CDC14B: variants seen among roughly 807,000 people sequenced by gnomAD.
CDC14B encodes the protein cell division cycle 14B.
A neutral mutation model predicts 64.2 loss-of-function variants in CDC14B; 22 were observed. That is an observed-to-expected ratio of 0.34 (90% CI 0.24 to 0.49). The LOEUF (loss-of-function observed/expected upper bound fraction) is 0.49, where lower values mean the gene tolerates loss of function less well. Ranked by LOEUF, CDC14B falls within the 20% of genes least tolerant of loss-of-function variation. The pLI, the probability that CDC14B is intolerant of heterozygous loss-of-function variation, is 0.99. For missense variants in CDC14B, 498 were observed against 629.9 expected, an observed-to-expected ratio of 0.79 and a Z score of 2.24; for synonymous variants, 191 against 215.8, an observed-to-expected ratio of 0.89 and a Z score of 1.01.
At chr9:96,607,644 CG>C (rs1847056388) in intron 1 of CDC14B, among the ~76,000 whole-genome samples, 1 of 151,956 alleles carries the variant, frequency 6.6e-6, no homozygotes, top group African/African-American at 2.4e-5. Context: ...AGGATGGTCT[CG>C]ATCTCCTGAC....
intron 12 of CDC14B, among the ~76,000 whole-genome samples, chr9:96,516,305 C>T (rs1835648586): frequency 6.6e-6 from 1 of 152,116 alleles, no homozygotes; most frequent in South Asian, 2.1e-4. Flanking sequence ...ATCCAGGAAG[C>T]TAAGGGAATG....
chr9:96,493,084 G>A (rs1401453040), exon 14 of CDC14B: 2 of 152,300 alleles, frequency 1.3e-5, no homozygotes, highest in African/African-American at 2.4e-5. Flanking sequence ...GGAGCTTCAC[G>A]GGAAGGAGAC....
At chr9:96,525,943 T>TC (rs944866272) in intron 9 of CDC14B, among the ~76,000 whole-genome samples, 1 of 151,966 alleles carries the variant, frequency 6.6e-6, no homozygotes, top group African/African-American at 2.4e-5. Flanking sequence ...CTGAATTGTG[T>TC]CCCCCCTAAC....
At chr9:96,571,959 AT>A (rs1161483620) in intron 1 of CDC14B, among the ~76,000 whole-genome samples, 1 of 152,056 alleles carries the variant, frequency 6.6e-6, no homozygotes, top group Admixed American at 6.5e-5. Flanking sequence ...GTCCAATCAT[AT>A]TTCAACACAC....
chr9:96,561,624 G>A (rs964477443), intron 4 of CDC14B, among the ~76,000 whole-genome samples: 96 of 150,362 alleles, frequency 6.4e-4, no homozygotes, highest in African/African-American at 1.9e-3. Flanking sequence ...GACTACAGGC[G>A]CCCGCCACCA....
intron 1 of CDC14B, among the ~76,000 whole-genome samples, chr9:96,599,566 A>T (rs1326410634): frequency 6.6e-6 from 1 of 152,202 alleles, no homozygotes; most frequent in East Asian, 1.9e-4. Context: ...TATCCTGAAC[A>T]GAACAAAGAT....
At chr9:96,615,318 T>A (rs1359769902) in intron 1 of CDC14B, among the ~76,000 whole-genome samples, 1 of 152,142 alleles carries the variant, frequency 6.6e-6, no homozygotes, top group East Asian at 1.9e-4. Context: ...TAAGAGTAAA[T>A]GCCCAGTATA....
chr9:96,543,720 T>C (rs74715774), intron 5 of CDC14B, among the ~76,000 whole-genome samples: 5,920 of 152,278 alleles, frequency 0.039, 141 homozygotes, highest in Middle Eastern at 0.071. Flanking sequence ...TTAGGCAACA[T>C]AAAAATTAAT....
intron 1 of CDC14B, among the ~76,000 whole-genome samples, chr9:96,570,628 C>T (rs1178930261): frequency 6.6e-6 from 1 of 152,182 alleles, no homozygotes; most frequent in African/African-American, 2.4e-5. Flanking sequence ...TAGGAAAGAA[C>T]ACGGGGAGCA....
At chr9:96,576,261 C>A (rs1844797328) in intron 1 of CDC14B, among the ~76,000 whole-genome samples, 1 of 151,734 alleles carries the variant, frequency 6.6e-6, no homozygotes, top group Admixed American at 6.6e-5. Flanking sequence ...GCCTGTGCAA[C>A]AGAGCAAAAA....
At chr9:96,509,956 C>G (rs1259528258) in intron 12 of CDC14B, among the ~76,000 whole-genome samples, 167 bp from the exon 13 acceptor site, 2 of 152,194 alleles carry the variant, frequency 1.3e-5, no homozygotes, top group African/African-American at 4.8e-5. Context: ...ACATCAAGGC[C>G]TTTTAAAATG....
At chr9:96,534,736 TAA>T (rs1839035120) in intron 7 of CDC14B, among the ~76,000 whole-genome samples, 194 bp from the exon 8 acceptor site, 1 of 152,234 alleles carries the variant, frequency 6.6e-6, no homozygotes, top group Non-Finnish European at 1.5e-5. Context: ...ATCCTGTTCC[TAA>T]TCATCTTCTT....
At chr9:96,541,919 G>C (rs1840117470) in intron 5 of CDC14B, 27 bp from the exon 6 acceptor site, 1 of 1,545,164 alleles carries the variant, frequency 6.5e-7, no homozygotes, top group Non-Finnish European at 8.9e-7. Context: ...ATAAAATGTA[G>C]ATCAGTTAAT....
At chr9:96,597,549 G>GA (rs954933427) in intron 1 of CDC14B, among the ~76,000 whole-genome samples, 27 of 142,322 alleles carry the variant, frequency 1.9e-4, no homozygotes, top group African/African-American at 6.6e-4. Flanking sequence ...AGTATTCAAA[G>GA]AAAAAAAATG....
intron 1 of CDC14B, among the ~76,000 whole-genome samples, chr9:96,578,162 T>C (rs1844920042): frequency 1.3e-5 from 2 of 151,546 alleles, no homozygotes; most frequent in Non-Finnish European, 3.0e-5. Context: ...AGCAACAACG[T>C]AAGTATATAA....
intron 6 of CDC14B, among the ~76,000 whole-genome samples, chr9:96,540,941 G>A (rs547125385): frequency 1.3e-5 from 2 of 152,212 alleles, no homozygotes; most frequent in African/African-American, 4.8e-5. Flanking sequence ...TTGATACAGG[G>A]AAAAAAGTAT....
Position 96,503,666 on chromosome 9 carries a change from A to T in CDC14B, c.*87T>A. 8.2e-7 allele frequency: 1 copy of T among 1,223,408 alleles called. No individual in the cohort carries two copies. Among genetic ancestry groups the T allele is most frequent in the Non-Finnish European group, 1.2e-6 (1 of 839,962 alleles). The allele number at this position is 1,223,408 out of a possible 1,614,324, so 75.8% of individuals were successfully genotyped here. On this transcript the variant is annotated 3_prime_UTR_variant, in exon 14 of 14. Transcript: ENST00000375241. The stretch of plus-strand genomic sequence containing the variant: ...TGGAAAAAGCAACTAAGGCTTTTGC[A>T]ATTTTGTTTTGTTTTCAAATTGTGC...
rs1287309779 is a variant in CDC14B at position 96,534,049 on chromosome 9, T to A, written c.824A>T (p.Asp275Val). The A allele has an allele frequency of 1.2e-6, 2 of 1,613,204 alleles. No homozygotes were observed. Among genetic ancestry groups the A allele is most frequent in the Non-Finnish European group, 1.7e-6 (2 of 1,179,408 alleles). The change falls in exon 9 of 14, where the codon GAT (aspartate) becomes GTT (valine). Residue 275 changes from aspartate (D) to valine (V), a missense_variant. By Grantham distance (152) the Asp-to-Val change is radical (BLOSUM62 -3). Coordinates refer to ENST00000375241, the MANE Select transcript of CDC14B (RefSeq NM_033331.4). ...AAGATCATGGTGATCGAAGCCAGCA[T>A]CCGTAAAGCGTTTGGCATCATACAT... ...KRMYDAKRFTDAGFDHHDLFF... is the reference protein window; with the variant it reads ...KRMYDAKRFTVAGFDHHDLFF...
At chr9:96,581,153 C>T (rs1845125130) in intron 1 of CDC14B, among the ~76,000 whole-genome samples, 1 of 152,266 alleles carries the variant, frequency 6.6e-6, no homozygotes, top group South Asian at 2.1e-4. Flanking sequence ...TCGCTTGAAC[C>T]CAGGAGGTGG....
Sources: allele counts gnomAD v4.1 joint callset (sites outside exome capture counted in the v4.1 genomes callset), GRCh38; gene constraint gnomAD v4.1.1; transcripts MANE v1.5; gene names NCBI Gene and HGNC (gene_info 2026-07-23, HGNC 2026-07-21).